KIAA1958: variants seen among roughly 807,000 people sequenced by gnomAD.
KIAA1958 encodes the protein KIAA1958, also known as uncharacterized protein KIAA1958.
KIAA1958 carries 14 observed loss-of-function variants against 47.2 expected under a neutral mutation model. The ratio of observed to expected loss-of-function variants is 0.30; its 90% CI spans 0.20 to 0.46. The LOEUF (loss-of-function observed/expected upper bound fraction) is 0.46. KIAA1958 is among the 20% of genes least tolerant of loss of function. The pLI, the probability that KIAA1958 is intolerant of heterozygous loss-of-function variation, is 1.00. For synonymous variants in KIAA1958, 354 were observed against 353.3 expected (o/e 1.00, Z -0.02); for missense variants, 803 against 909.2 (o/e 0.88, Z 1.50).
In KIAA1958 at chr9:112,488,797, GTC is replaced by G. The variant is rs745948606; in HGVS notation, c.-25+1680_-25+1681del. ...CTTTTTTAAAGACAAACTGATTTTT[GTC>G]ATTATAAAAAGTTTAGTATGCTTAA... On this transcript the variant is annotated intron_variant, in intron 1 of 3. Transcript: ENST00000337530. Among the ~76,000 whole-genome samples, 4 of 152,226 alleles carry G rather than the reference GTC, an allele frequency of 2.6e-5. No homozygotes were observed. The East Asian group carries it at 7.7e-4, about 29-fold the overall frequency.
rs889634674 is a variant in KIAA1958 at position 112,611,679 on chromosome 9, A to C, written c.1172-33971A>C. 1.3e-5 allele frequency among the ~76,000 whole-genome samples: 2 copies of C among 152,124 alleles called. 1 individual carries two copies. The highest frequency in any genetic ancestry group is 1.3e-4 in the Admixed American group (2 of 15,268). Reference sequence around the variant, plus strand: ...TCAGGTTTTCCTAAACTTAGTATACATTTAATTTTATCAGTGCAAATACCA... The same window carrying C: ...TCAGGTTTTCCTAAACTTAGTATACCTTTAATTTTATCAGTGCAAATACCA... On this transcript the variant is annotated intron_variant, in intron 2 of 3. Transcript: ENST00000337530.
intron 2 of KIAA1958, among the ~76,000 whole-genome samples, chr9:112,582,931 C>A (rs962883894): frequency 1.3e-5 from 2 of 152,136 alleles, no homozygotes; most frequent in Non-Finnish European, 2.9e-5. Flanking sequence ...TTGAATGAAT[C>A]TCTCTGAAAA....
intron 1 of KIAA1958, among the ~76,000 whole-genome samples, chr9:112,508,800 AT>A (rs138673096): frequency 4.0e-5 from 6 of 151,600 alleles, no homozygotes; most frequent in South Asian, 2.1e-4. Context: ...TGATTGTGTA[AT>A]TTTTTTTTCT....
chr9:112,645,809 C>T lies in KIAA1958; in HGVS notation c.1331C>T (p.Thr444Ile), dbSNP rs765968758. Residue 444 changes from threonine (T) to isoleucine (I), a missense_variant, in exon 3 of 4, where the codon ACA becomes ATA. Thr to Ile is a moderately conservative substitution (Grantham distance 89, BLOSUM62 -1). Coordinates refer to ENST00000337530, the MANE Select transcript of KIAA1958 (RefSeq NM_133465.4). Reference protein sequence around the residue: ...WCMTNGLKDHTDITKIPAVKL... With the variant: ...WCMTNGLKDHIDITKIPAVKL... ...ATGACCAACGGGCTCAAAGACCACA[C>T]AGACATCACCAAGGTAAGGGACTCT... 1.2e-6 allele frequency: 2 copies of T among 1,612,098 alleles called. No individual in the cohort carries two copies. The highest frequency in any genetic ancestry group is 2.2e-5 in the South Asian group (2 of 90,520).
At chr9:112,600,413 A>G (rs2034866055) in intron 2 of KIAA1958, among the ~76,000 whole-genome samples, 1 of 152,210 alleles carries the variant, frequency 6.6e-6, no homozygotes, top group African/African-American at 2.4e-5. Flanking sequence ...ACCATTGAGG[A>G]AAAACTTCAT....
chr9:112,593,538 G>A (rs1347463086), intron 2 of KIAA1958, among the ~76,000 whole-genome samples: 1 of 152,188 alleles, frequency 6.6e-6, no homozygotes, highest in East Asian at 1.9e-4. Context: ...TCTGACCAGG[G>A]ATGGAGGGGT....
At chr9:112,545,828 T>TTTG (rs1835020780) in intron 1 of KIAA1958, among the ~76,000 whole-genome samples, 5 of 148,430 alleles carry the variant, frequency 3.4e-5, no homozygotes, top group Admixed American at 2.0e-4. Context: ...TTTCTTTGTT[T>TTTG]TTTTTTTTTT....
intron 2 of KIAA1958, among the ~76,000 whole-genome samples, chr9:112,628,003 T>C (rs1182366854): frequency 6.6e-6 from 1 of 152,202 alleles, no homozygotes; most frequent in African/African-American, 2.4e-5. Flanking sequence ...ACATATTGAC[T>C]CTACTACACA....
At chr9:112,575,349 C>T in intron 2 of KIAA1958, 98 bp downstream of exon 2, 1 of 781,970 alleles carries the variant, frequency 1.3e-6, no homozygotes, top group Non-Finnish European at 2.0e-6. Flanking sequence ...TGCTAGAATT[C>T]AGTCCTTTGT....
intron 2 of KIAA1958, among the ~76,000 whole-genome samples, chr9:112,580,326 G>A (rs533490808): frequency 4.0e-4 from 61 of 152,084 alleles, no homozygotes; most frequent in African/African-American, 1.4e-3. Flanking sequence ...GAGTTGTTAC[G>A]TGTTTTATTT....
At chr9:112,653,506 CA>C (rs2131249440) in intron 3 of KIAA1958, among the ~76,000 whole-genome samples, 1 of 152,258 alleles carries the variant, frequency 6.6e-6, no homozygotes, top group Non-Finnish European at 1.5e-5. Context: ...CATATGGGTG[CA>C]GTCATTTGGA....
chr9:112,556,890 C>T (rs570409501), intron 1 of KIAA1958, among the ~76,000 whole-genome samples: 8 of 152,250 alleles, frequency 5.3e-5, no homozygotes, highest in South Asian at 2.1e-4. Context: ...GAAGGTTGAG[C>T]GTACAGGTGG....
At chr9:112,607,492 T>G (rs1409735789) in intron 2 of KIAA1958, among the ~76,000 whole-genome samples, 1 of 152,036 alleles carries the variant, frequency 6.6e-6, no homozygotes, top group African/African-American at 2.4e-5. Context: ...TGGTGAGAGC[T>G]TCCCTGTGCC....
At chr9:112,551,416 A>G (rs779874642) in intron 1 of KIAA1958, among the ~76,000 whole-genome samples, 4 of 152,190 alleles carry the variant, frequency 2.6e-5, no homozygotes, top group Non-Finnish European at 5.9e-5. Context: ...ATGTCTTTTA[A>G]GTTTCATCCA....
chr9:112,650,291 C>A (rs1174965183), intron 3 of KIAA1958, among the ~76,000 whole-genome samples: 1 of 152,092 alleles, frequency 6.6e-6, no homozygotes, highest in African/African-American at 2.4e-5. Flanking sequence ...TTATACCATA[C>A]AGAAACAAGG....
At chr9:112,507,045 A>G (rs1025228793) in intron 1 of KIAA1958, among the ~76,000 whole-genome samples, 14 of 152,190 alleles carry the variant, frequency 9.2e-5, no homozygotes, top group Admixed American at 3.9e-4. Context: ...AAGTGCTTCA[A>G]TATTTATGAT....
At chr9:112,504,208 A>G (rs992997348) in intron 1 of KIAA1958, among the ~76,000 whole-genome samples, 17 of 145,994 alleles carry the variant, frequency 1.2e-4, no homozygotes, top group Admixed American at 1.2e-3. Context: ...TTTTTTGGAG[A>G]CAGAGTCTCA....
Position 112,660,129 on chromosome 9 carries a change from AGCT to A in KIAA1958, c.*62_*64del. On this transcript the variant is annotated 3_prime_UTR_variant, in exon 4 of 4. Coordinates refer to ENST00000337530, the MANE Select transcript of KIAA1958 (RefSeq NM_133465.4). ...TGCTCGGGCCAGCCAGGGTTGGAGC[AGCT>A]GGAGCTCCTTGGAGGCAGGGGCTGA... The A allele has an allele frequency of 6.7e-7, 1 of 1,485,448 alleles. No homozygotes were observed. The highest frequency in any genetic ancestry group is 1.2e-5 in the South Asian group (1 of 82,144). 92.0% of individuals were successfully genotyped at this position (1,485,448 alleles called of 1,614,324 possible). A position where few individuals can be genotyped will look rare whatever the true frequency, so the allele number is the denominator to read the frequency against.
At chr9:112,504,758 C>T (rs1587991907) in intron 1 of KIAA1958, among the ~76,000 whole-genome samples, 2 of 151,960 alleles carry the variant, frequency 1.3e-5, no homozygotes, top group African/African-American at 2.4e-5. Context: ...AAATATGATG[C>T]CAATAATGAA....
Sources: allele counts gnomAD v4.1 joint callset (sites outside exome capture counted in the v4.1 genomes callset), GRCh38; gene constraint gnomAD v4.1.1; transcripts MANE v1.5; gene names NCBI Gene and HGNC (gene_info 2026-07-23, HGNC 2026-07-21).